The following C4BPB variants were observed in gnomAD, a reference collection of about 807,000 sequenced individuals.
C4BPB encodes the protein complement component 4 binding protein beta.
Under a neutral mutation model 26.6 loss-of-function variants are expected in C4BPB, and 19 were observed. The ratio of observed to expected loss-of-function variants is 0.71; its 90% CI spans 0.50 to 1.05. The LOEUF (loss-of-function observed/expected upper bound fraction) is 1.05. C4BPB is among the 50% of genes least tolerant of loss of function. The pLI is 0.00. For missense variants in C4BPB, 282 were observed against 302.9 expected (o/e 0.93, Z 0.51); for synonymous variants, 118 against 103.5 (o/e 1.14, Z -0.85).
chr1:207,098,351 T>G, intron 6 of C4BPB, 87 bp downstream of exon 6: 5 of 789,580 alleles, frequency 6.3e-6, no homozygotes, highest in South Asian at 1.8e-5. Flanking sequence ...TATATATCTG[T>G]TTAATGTGGG....
Position 207,099,973 on chromosome 1 carries a change from A to T in C4BPB, c.*44A>T. ...GTAATAGAAATAAACCTATGAATAAATTTTCTTCTTGGTTCTGAAATTGGT... is the reference window on the plus strand; with the variant it reads ...GTAATAGAAATAAACCTATGAATAATTTTTCTTCTTGGTTCTGAAATTGGT... On this transcript the variant is annotated 3_prime_UTR_variant, in exon 7 of 7. Transcript: ENST00000367078. 2 of 1,554,788 alleles carry T rather than the reference A, an allele frequency of 1.3e-6. No homozygotes were observed. Among genetic ancestry groups the T allele is most frequent in the Non-Finnish European group, 1.7e-6 (2 of 1,150,552 alleles).
intron 2 of C4BPB, 21 bp from the exon 3 acceptor site, chr1:207,090,287 C>A: frequency 6.3e-7 from 1 of 1,578,402 alleles, no homozygotes; most frequent in South Asian, 1.2e-5. Flanking sequence ...CCAAGTGAAT[C>A]TGTTTTCTTT....
At chr1:207,090,140 G>T (rs183765947) in intron 2 of C4BPB, among the ~76,000 whole-genome samples, 168 bp from the exon 3 acceptor site, 4 of 152,256 alleles carry the variant, frequency 2.6e-5, no homozygotes, top group Admixed American at 1.3e-4. Context: ...GCGTGGTGGC[G>T]GGTGCCTGTA....
chr1:207,096,464 C>CT (rs1558078974), intron 4 of C4BPB, 58 bp from the exon 5 acceptor site: 1 of 985,618 alleles, frequency 1.0e-6, no homozygotes, highest in Non-Finnish European at 1.6e-6. Flanking sequence ...ATTAGGGGTG[C>CT]TGTTCATTGA....
intron 4 of C4BPB, chr1:207,095,257 A>G (rs1177344109): frequency 2.6e-5 from 12 of 455,862 alleles, no homozygotes; most frequent in Middle Eastern, 3.2e-4. Context: ...AAGACTCACA[A>G]CTCCTAACAC....
chr1:207,094,236 G>A (rs1469082297), intron 4 of C4BPB, among the ~76,000 whole-genome samples: 2 of 151,910 alleles, frequency 1.3e-5, no homozygotes, highest in Admixed American at 1.3e-4. Flanking sequence ...AGCTACTTGG[G>A]AAGCTAAGGC....
At chr1:207,098,715 T>C (rs1022830386) in intron 6 of C4BPB, among the ~76,000 whole-genome samples, 6 of 152,328 alleles carry the variant, frequency 3.9e-5, no homozygotes, top group Non-Finnish European at 7.4e-5. Flanking sequence ...CTCACCATAA[T>C]GTAGAATCAG....
At position 207,098,144 on chromosome 1, in the gene C4BPB, G is replaced by A. The variant is rs760444339; in HGVS notation, c.504-6G>A. 1.9e-6 allele frequency: 3 copies of A among 1,610,470 alleles called. No individual in the cohort carries two copies. Among genetic ancestry groups the A allele is most frequent in the African/African-American group, 2.7e-5 (2 of 74,966 alleles). On this transcript the variant is annotated splice_polypyrimidine_tract_variant and splice_region_variant and intron_variant, in intron 5 of 6. Transcript: ENST00000367078. ...AAAGCTAAGCCTTGTTCTAATTTCT[G>A]TTCAGGTACTACTTAGTGGGCGTGC... is the stretch of plus-strand genomic sequence containing the variant.
chr1:207,098,834 A>G (rs1188696412), intron 6 of C4BPB, among the ~76,000 whole-genome samples: 9 of 147,538 alleles, frequency 6.1e-5, no homozygotes, highest in South Asian at 4.4e-4. Flanking sequence ...AGTGTTGGGA[A>G]ACAGTGACAG....
chr1:207,096,293 T>A, intron 4 of C4BPB: 2 of 511,628 alleles, frequency 3.9e-6, no homozygotes, highest in Non-Finnish European at 3.5e-6. Flanking sequence ...ACTCAGAAGA[T>A]GGGCTGGGGG....
intron 3 of C4BPB, 137 bp downstream of exon 3, chr1:207,090,618 C>T (rs931712941): frequency 4.7e-6 from 3 of 637,644 alleles, no homozygotes; most frequent in African/African-American, 3.7e-5. Context: ...TTTTAAAGCA[C>T]TCCAGTGGAG....
intron 6 of C4BPB, 40 bp downstream of exon 6, chr1:207,098,304 T>C (rs775266031): frequency 7.3e-6 from 9 of 1,228,460 alleles, no homozygotes; most frequent in African/African-American, 3.0e-5. Context: ...CACAGCTGGA[T>C]CTCCAGGGCC....
At chr1:207,091,523 T>C in intron 3 of C4BPB, 121 bp from the exon 4 acceptor site, 1 of 713,782 alleles carries the variant, frequency 1.4e-6, no homozygotes, top group Non-Finnish European at 2.4e-6. Flanking sequence ...TTCACTCAAT[T>C]AAAAATGTGC....
chr1:207,093,217 A>G (rs2102307923), intron 4 of C4BPB, among the ~76,000 whole-genome samples: 1 of 152,348 alleles, frequency 6.6e-6, no homozygotes, highest in Non-Finnish European at 1.5e-5. Flanking sequence ...CTGGATGGGC[A>G]GACTTACTAT....
intron 4 of C4BPB, chr1:207,095,809 C>T (rs1248425056): frequency 1.0e-5 from 2 of 195,328 alleles, no homozygotes; most frequent in East Asian, 1.6e-4. Flanking sequence ...CTCATGACAG[C>T]GAGTGAGTTC....
At chr1:207,097,362 G>A (rs924731013) in intron 5 of C4BPB, among the ~76,000 whole-genome samples, 2 of 151,058 alleles carry the variant, frequency 1.3e-5, no homozygotes, top group Non-Finnish European at 2.9e-5. Flanking sequence ...ACAGGCATGG[G>A]TCACCACGCT....
chr1:207,091,174 C>A (rs1374475025), intron 3 of C4BPB, among the ~76,000 whole-genome samples: 1 of 152,156 alleles, frequency 6.6e-6, no homozygotes, highest in Admixed American at 6.5e-5. Flanking sequence ...ATATTATTAT[C>A]CTTCATTCAT....
rs773031881 is a variant in C4BPB at position 207,096,580 on chromosome 1, C to T, written c.468C>T (p.Thr156=). The T allele has an allele frequency of 5.0e-6, 8 of 1,607,046 alleles. No individual in the cohort carries two copies. In the Middle Eastern group the frequency reaches 5.0e-4, roughly 100 times the overall value. The change falls in exon 5 of 7, where the codon ACC becomes ACT. Residue 156 remains threonine, a synonymous_variant. Coordinates refer to ENST00000367078, the MANE Select transcript of C4BPB (RefSeq NM_001017365.3). ...VHGYFEGNNF[T]LGSTISYYCE... ...GCTATTTTGAAGGAAATAACTTCAC[C>T]TTAGGATCCACCATTAGTTATTACT... is the stretch of plus-strand genomic sequence containing the variant.
intron 6 of C4BPB, 122 bp from the exon 7 acceptor site, chr1:207,099,667 T>A: frequency 1.4e-6 from 1 of 695,864 alleles, no homozygotes; most frequent in East Asian, 2.7e-5. Flanking sequence ...CCCAAATCTT[T>A]ACTTAAGCTA....
Sources: gnomAD v4.1 joint callset for allele counts (sites outside exome capture counted in the v4.1 genomes callset) on GRCh38, gnomAD v4.1.1 for gene constraint, MANE v1.5 for transcripts, NCBI Gene and HGNC (gene_info 2026-07-23, HGNC 2026-07-21) for gene names.